The following OTOGL variants were observed in gnomAD, a reference collection of about 807,000 sequenced individuals.
OTOGL encodes otogelin like.
In OTOGL, 285 loss-of-function variants were observed where a neutral mutation model predicts 318.5. The ratio of observed to expected loss-of-function variants is 0.89; its 90% CI spans 0.81 to 0.99. OTOGL has a LOEUF of 0.99. Ranked by LOEUF, OTOGL falls within the 50% of genes least tolerant of loss-of-function variation. The pLI is 0.00. For synonymous variants in OTOGL, 987 were observed against 936.5 expected, an observed-to-expected ratio of 1.05 and a Z score of -0.99; for missense variants, 2,899 against 2,845.6, an observed-to-expected ratio of 1.02 and a Z score of -0.43.
chr12:80,213,567 G>A (rs529947037), intron 4 of OTOGL, among the ~76,000 whole-genome samples: 1 of 152,260 alleles, frequency 6.6e-6, no homozygotes, highest in African/African-American at 2.4e-5. Flanking sequence ...AATAGGCAAA[G>A]GGTTGTCTAT....
chr12:80,201,197 G>T (rs533389140), intron 1 of OTOGL, among the ~76,000 whole-genome samples: 1 of 152,154 alleles, frequency 6.6e-6, no homozygotes, highest in Non-Finnish European at 1.5e-5. Flanking sequence ...GTTGTTTCTG[G>T]TTGGAGTCTG....
At chr12:80,284,412 T>C (rs1884461903) in intron 26 of OTOGL, among the ~76,000 whole-genome samples, 1 of 152,180 alleles carries the variant, frequency 6.6e-6, no homozygotes, top group African/African-American at 2.4e-5. Flanking sequence ...GATTGCTGGG[T>C]CAAGTGGTAT....
rs1379917053 is a variant in OTOGL, at chr12:80,307,413, C to T, written c.3333+1718C>T. Among the ~76,000 whole-genome samples the T allele has an allele frequency of 4.6e-5, 7 of 150,656 alleles. No homozygotes were observed. In the South Asian group the frequency reaches 6.3e-4, roughly 14 times the overall value. ...GCAGAGGCACCCCTCACCTCCCGGA[C>T]GGGGCGGCTGGCCAGACGGGGGGCT... On this transcript the variant is annotated intron_variant, in intron 29 of 58. Coordinates refer to ENST00000547103, the MANE Select transcript of OTOGL (RefSeq NM_001378609.3).
At chr12:80,206,793 G>A (rs143627144) in intron 1 of OTOGL, among the ~76,000 whole-genome samples, 4 of 152,054 alleles carry the variant, frequency 2.6e-5, no homozygotes, top group African/African-American at 7.2e-5. Context: ...ACAGGCGTGA[G>A]CCACTGTGCC....
In OTOGL at chr12:80,379,753, A is replaced by G. The variant is rs1891364795; in HGVS notation, c.*1705A>G. The G allele has an allele frequency of 6.6e-6, 1 of 151,946 alleles. No homozygotes were observed. Among genetic ancestry groups the G allele is most frequent in the South Asian group, 2.1e-4 (1 of 4,822 alleles). 9.4% of individuals were successfully genotyped at this position (151,946 alleles called of 1,614,324 possible). A position where few individuals can be genotyped will look rare whatever the true frequency, so the allele number is the denominator to read the frequency against. On this transcript the variant is annotated 3_prime_UTR_variant, in exon 59 of 59. Coordinates refer to ENST00000547103, the MANE Select transcript of OTOGL (RefSeq NM_001378609.3). ...AAAATATTAAGTAATCTTTAAACCT[A>G]TTTGTGGAGAAATGGGAAACATTCT...
chr12:80,290,402 T>C (rs1001274997), intron 26 of OTOGL, among the ~76,000 whole-genome samples: 1 of 152,136 alleles, frequency 6.6e-6, no homozygotes, highest in Non-Finnish European at 1.5e-5. Context: ...TGATGCTCCA[T>C]GTCTATGGAC....
chr12:80,269,472 G>A (rs1883240756), intron 22 of OTOGL, among the ~76,000 whole-genome samples: 1 of 152,120 alleles, frequency 6.6e-6, no homozygotes, highest in Non-Finnish European at 1.5e-5. Flanking sequence ...GTCTTCAATG[G>A]CTCACCTCAG....
At chr12:80,349,853 G>A (rs1889433031) in intron 44 of OTOGL, among the ~76,000 whole-genome samples, 2 of 152,168 alleles carry the variant, frequency 1.3e-5, no homozygotes, top group South Asian at 4.1e-4. Flanking sequence ...ACAACGTGGT[G>A]TTTTGAAGTG....
At chr12:80,231,995 C>T (rs1011422786) in intron 8 of OTOGL, among the ~76,000 whole-genome samples, 19 of 151,982 alleles carry the variant, frequency 1.3e-4, no homozygotes, top group African/African-American at 4.6e-4. Flanking sequence ...TTAGTACTTA[C>T]TCTTTTTGGC....
intron 52 of OTOGL, chr12:80,361,140 C>T (rs1316195274): frequency 6.7e-6 from 1 of 150,342 alleles, no homozygotes; most frequent in African/African-American, 2.4e-5. Context: ...AAACCCTGCT[C>T]CCCCACCCTC....
At chr12:80,303,737 C>A (rs1350265185) in intron 28 of OTOGL, among the ~76,000 whole-genome samples, 1 of 152,106 alleles carries the variant, frequency 6.6e-6, no homozygotes, top group Non-Finnish European at 1.5e-5. Context: ...CACTTTTTAA[C>A]CATCAGGTGT....
At chr12:80,211,026 A>G (rs900279302) in intron 3 of OTOGL, 140 bp downstream of exon 3, 3 of 475,696 alleles carry the variant, frequency 6.3e-6, no homozygotes, top group Non-Finnish European at 1.0e-5. Flanking sequence ...TTTAAAAAAC[A>G]TTTCTGCAGA....
Position 80,255,159 on chromosome 12 carries a change from A to G in OTOGL, c.1561A>G (p.Thr521Ala), listed in dbSNP as rs187504761. ...AACTGGAAAAGATAAATTCACGATT[A>G]CTTTACAGAAAGCTCCCTGTGAGCA... Reference protein sequence around the residue: ...KGTGKDKFTITLQKAPCEQNL... With the variant: ...KGTGKDKFTIALQKAPCEQNL... The change falls in exon 16 of 59, where the codon ACT (threonine) becomes GCT (alanine). Residue 521 changes from threonine (T) to alanine (A), a missense_variant. Physicochemically the swap from Thr to Ala is moderately conservative, Grantham distance 58. This residue lies in a region of OTOGL where 2,607 missense variants were observed against 2,524.9 expected (regional missense o/e 1.03). Transcript: ENST00000547103. 35 of 1,519,814 alleles carry G rather than the reference A, an allele frequency of 2.3e-5. No individual in the cohort carries two copies. In the Admixed American group the frequency reaches 6.7e-4, roughly 29 times the overall value. The allele number at this position is 1,519,814 out of a possible 1,614,324, so 94.1% of individuals were successfully genotyped here. A position where few individuals can be genotyped will look rare whatever the true frequency, so the allele number is the denominator to read the frequency against.
chr12:80,347,860 C>A (rs1889295584), intron 44 of OTOGL, among the ~76,000 whole-genome samples: 1 of 152,292 alleles, frequency 6.6e-6, no homozygotes, highest in East Asian at 1.9e-4. Flanking sequence ...TTGCATTTCT[C>A]TAATGACCAG....
intron 13 of OTOGL, 23 bp downstream of exon 13, chr12:80,252,224 A>G (rs201003279): frequency 2.5e-6 from 4 of 1,588,358 alleles, no homozygotes; most frequent in Non-Finnish European, 2.6e-6. Flanking sequence ...TGAAGAAACC[A>G]TGTCTGCACT....
At chr12:80,283,902 C>T (rs1372288853) in intron 26 of OTOGL, among the ~76,000 whole-genome samples, 1 of 151,978 alleles carries the variant, frequency 6.6e-6, no homozygotes, top group Non-Finnish European at 1.5e-5. Flanking sequence ...GGTACATGTG[C>T]AGAACGTGCA....
intron 29 of OTOGL, among the ~76,000 whole-genome samples, chr12:80,309,572 G>A (rs1316582783): frequency 6.6e-6 from 1 of 152,126 alleles, no homozygotes; most frequent in Non-Finnish European, 1.5e-5. Context: ...AAGATACAAG[G>A]GCCAAGAGGC....
intron 1 of OTOGL, among the ~76,000 whole-genome samples, chr12:80,178,061 C>CTTTTTTTTT (rs71094968): frequency 6.9e-4 from 52 of 74,918 alleles, no homozygotes; most frequent in African/African-American, 1.0e-3. Context: ...TTCTTTCTTT[C>CTTTTTTTTT]TTTTTTTTTT....
chr12:80,108,844 A>ACG (rs1869635664), intron 1 of OTOGL, among the ~76,000 whole-genome samples: 1 of 74,692 alleles, frequency 1.3e-5, no homozygotes, highest in East Asian at 3.0e-4. Context: ...TTGTATATAT[A>ACG]TGTGTATATA....
Sources: gnomAD v4.1 joint callset for allele counts (sites outside exome capture counted in the v4.1 genomes callset) on GRCh38, gnomAD v4.1.1 for gene constraint, gnomAD v4.1.1 regional missense constraint, MANE v1.5 for transcripts, NCBI Gene and HGNC (gene_info 2026-07-23, HGNC 2026-07-21) for gene names.